The following BABAM2 variants were observed in gnomAD, a reference collection of about 807,000 sequenced individuals.
The protein encoded by BABAM2 is BRISC and BRCA1-A complex member 2.
A neutral mutation model predicts 54.7 loss-of-function variants in BABAM2; 31 were observed. The observed-to-expected ratio is 0.57, with a 90% CI of 0.43 to 0.77. BABAM2 has a LOEUF of 0.77. Ranked by LOEUF, BABAM2 falls within the 30% of genes least tolerant of loss-of-function variation. The pLI is 0.00. For synonymous variants in BABAM2, 167 were observed against 162.9 expected (o/e 1.03, Z -0.19); for missense variants, 364 against 455.8 (o/e 0.80, Z 1.83).
At chr2:27,984,449 A>T (rs1044433672) in intron 3 of BABAM2, among the ~76,000 whole-genome samples, 3 of 152,040 alleles carry the variant, frequency 2.0e-5, no homozygotes, top group Non-Finnish European at 4.4e-5. Flanking sequence ...GAATTTTATG[A>T]TTTATCATAG....
intron 7 of BABAM2, among the ~76,000 whole-genome samples, chr2:28,150,605 C>T (rs1161908301): frequency 1.3e-5 from 2 of 152,192 alleles, no homozygotes; most frequent in Admixed American, 1.3e-4. Context: ...AGGACCAGTT[C>T]GTAGACATCA....
intron 10 of BABAM2, among the ~76,000 whole-genome samples, chr2:28,248,207 C>CTTTTTCTTTTT (rs1553349503): frequency 0.17 from 9,011 of 52,894 alleles, 1,734 homozygotes; most frequent in East Asian, 0.36. Context: ...TTTTCTTTTT[C>CTTTTTCTTTTT]TTTTTTTTTT....
intron 3 of BABAM2, among the ~76,000 whole-genome samples, chr2:27,959,927 T>A (rs963073290): frequency 1.3e-5 from 2 of 152,214 alleles, no homozygotes; most frequent in Non-Finnish European, 2.9e-5. Flanking sequence ...TTTTTTAGTC[T>A]TTTCATTCAT....
chr2:28,057,224 G>C (rs765916101), intron 6 of BABAM2, among the ~76,000 whole-genome samples: 6 of 152,144 alleles, frequency 3.9e-5, no homozygotes, highest in Non-Finnish European at 8.8e-5. Context: ...TGTTTATTAA[G>C]ACTCTAAGCA....
chr2:28,085,673 G>A (rs1665572099), intron 6 of BABAM2, among the ~76,000 whole-genome samples: 1 of 152,102 alleles, frequency 6.6e-6, no homozygotes, highest in Non-Finnish European at 1.5e-5. Flanking sequence ...TATTTCTCGT[G>A]TGTCATGCAA....
Position 28,036,886 on chromosome 2 carries a change from A to G in BABAM2, c.496-8839A>G, listed in dbSNP as rs1047684281. On this transcript the variant is annotated intron_variant, in intron 5 of 11. Transcript: ENST00000379624. ...TGTCGTACTATTTTGTTTAATTGCC[A>G]GTCTAGTCAAAATAGACTTTAAGTT... Among the ~76,000 whole-genome samples the G allele has an allele frequency of 5.3e-5, 8 of 152,338 alleles. 1 individual carries two copies. Among genetic ancestry groups the G allele is most frequent in the Admixed American group, 6.5e-5 (1 of 15,296 alleles).
At chr2:28,321,374 C>G (rs1349780457) in intron 11 of BABAM2, among the ~76,000 whole-genome samples, 1 of 152,176 alleles carries the variant, frequency 6.6e-6, no homozygotes, top group Non-Finnish European at 1.5e-5. Flanking sequence ...GCCACGTGTT[C>G]CTCTTGCCAC....
rs547297155 is a variant in BABAM2, at chr2:28,223,816, A to G, written c.681-13386A>G. ...GTCAGGTAGTCTGTCCTTTTAGTCCATATCAGAACCAGCTATGAGCTTTTT... is the reference window on the plus strand; with the variant it reads ...GTCAGGTAGTCTGTCCTTTTAGTCCGTATCAGAACCAGCTATGAGCTTTTT... On this transcript the variant is annotated intron_variant, in intron 7 of 11. Transcript: ENST00000379624. Among the ~76,000 whole-genome samples, 9 of 152,340 alleles carry G rather than the reference A, an allele frequency of 5.9e-5. No individual in the cohort carries two copies. In the South Asian group the frequency reaches 1.7e-3, roughly 28 times the overall value.
rs185441347 is a variant in BABAM2, at chr2:28,017,761, G to A, written c.301-7465G>A. 2.0e-5 allele frequency among the ~76,000 whole-genome samples: 3 copies of A among 152,298 alleles called. No individual in the cohort carries two copies. In the East Asian group the frequency reaches 5.8e-4, roughly 29 times the overall value. On this transcript the variant is annotated intron_variant, in intron 4 of 11. Transcript: ENST00000379624. ...GCTTTTGTAGACATTTTGTATAAATGGATTCATACAATGTGTGGCCTTTAG... is the reference window on the plus strand; with the variant it reads ...GCTTTTGTAGACATTTTGTATAAATAGATTCATACAATGTGTGGCCTTTAG...
In BABAM2 at chr2:27,974,082, G is replaced by C. The variant is rs143184004; in HGVS notation, c.206-13911G>C. ...AAAATCTTTCACAAATGAAATGCCA[G>C]ACCCAGATTATCTTGGGTGAATTCT... is the stretch of plus-strand genomic sequence containing the variant. On this transcript the variant is annotated intron_variant, in intron 3 of 11. Transcript: ENST00000379624. 4.0e-3 allele frequency among the ~76,000 whole-genome samples: 610 copies of C among 152,228 alleles called. 8 individuals carry two copies. The highest frequency in any genetic ancestry group is 0.014 in the African/African-American group (594 of 41,530).
At chr2:27,993,584 T>A (rs1273681133) in intron 4 of BABAM2, among the ~76,000 whole-genome samples, 1 of 152,166 alleles carries the variant, frequency 6.6e-6, no homozygotes, top group African/African-American at 2.4e-5. Context: ...TAAAATGAAG[T>A]TGCATAAAGG....
chr2:28,316,984 G>A (rs1053842766), intron 11 of BABAM2, among the ~76,000 whole-genome samples: 2 of 152,106 alleles, frequency 1.3e-5, no homozygotes, highest in African/African-American at 2.4e-5. Context: ...GAGTATTCTT[G>A]GCACCCTTGT....
chr2:28,139,097 A>G (rs941092379), intron 7 of BABAM2, among the ~76,000 whole-genome samples: 1 of 152,086 alleles, frequency 6.6e-6, no homozygotes, highest in South Asian at 2.1e-4. Context: ...ACTCCTGGGA[A>G]TTATTCTTAA....
At chr2:27,914,066 A>G (rs1666790289) in intron 2 of BABAM2, among the ~76,000 whole-genome samples, 2 of 152,158 alleles carry the variant, frequency 1.3e-5, no homozygotes, top group African/African-American at 4.8e-5. Context: ...ATATTAAAGT[A>G]TAACATTGTT....
At chr2:28,336,624 A>T (rs1055614586) in intron 11 of BABAM2, among the ~76,000 whole-genome samples, 1 of 152,126 alleles carries the variant, frequency 6.6e-6, no homozygotes, top group Admixed American at 6.5e-5. Flanking sequence ...AGGGAAAGAG[A>T]GCTTCCAGAG....
chr2:28,262,259 C>T (rs941437086), intron 10 of BABAM2, among the ~76,000 whole-genome samples: 3 of 152,134 alleles, frequency 2.0e-5, no homozygotes, highest in Non-Finnish European at 2.9e-5. Context: ...ACAGATATAA[C>T]GTTGCCTAGG....
chr2:27,908,868 G>A (rs1019282274), intron 2 of BABAM2, among the ~76,000 whole-genome samples: 1 of 152,076 alleles, frequency 6.6e-6, no homozygotes, highest in Non-Finnish European at 1.5e-5. Flanking sequence ...AGACACAAGG[G>A]TTTTAATTTC....
intron 2 of BABAM2, among the ~76,000 whole-genome samples, chr2:27,919,778 T>C (rs1431469583): frequency 3.3e-5 from 5 of 152,186 alleles, no homozygotes; most frequent in Non-Finnish European, 7.4e-5. Context: ...GAAACCATAT[T>C]GTAATTTAAA....
At chr2:28,328,042 A>G (rs1258011357) in intron 11 of BABAM2, among the ~76,000 whole-genome samples, 3 of 152,138 alleles carry the variant, frequency 2.0e-5, no homozygotes, top group Non-Finnish European at 4.4e-5. Context: ...AGGCACCCAG[A>G]ATTGGATGGC....
Sources: gnomAD v4.1 joint callset for allele counts (sites outside exome capture counted in the v4.1 genomes callset) on GRCh38, gnomAD v4.1.1 for gene constraint, MANE v1.5 for transcripts, NCBI Gene and HGNC (gene_info 2026-07-23, HGNC 2026-07-21) for gene names.